Variants in FAT1 observed in about 807,000 individuals in gnomAD.
FAT1 encodes the protein protocadherin Fat 1.
Under a neutral mutation model 329.8 loss-of-function variants are expected in FAT1, and 171 were observed. That is an observed-to-expected ratio of 0.52 (90% confidence interval 0.46 to 0.59). The LOEUF (loss-of-function observed/expected upper bound fraction) is 0.59, where lower values mean the gene tolerates loss of function less well. Among genes scored for constraint, FAT1 ranks in the 20% least tolerant of loss-of-function variants. FAT1 has a pLI of 0.00. For synonymous variants in FAT1, 2,233 were observed against 2,228.6 expected (o/e 1.00, Z -0.06); for missense variants, 5,672 against 5,774.4 (o/e 0.98, Z 0.57).
intron 3 of FAT1, among the ~76,000 whole-genome samples, chr4:186,644,138 C>T (rs1048977344): frequency 6.6e-6 from 1 of 152,030 alleles, no homozygotes; most frequent in Admixed American, 6.6e-5. Context: ...CTCAGATGAG[C>T]GTTTTTTTCT....
In FAT1 at chr4:186,589,573, C is replaced by A. The variant is rs148991148; in HGVS notation, c.13139-353G>T. 2.6e-3 allele frequency among the ~76,000 whole-genome samples: 400 copies of A among 152,268 alleles called. 5 individuals carry two copies. The highest frequency in any genetic ancestry group is 9.4e-3 in the African/African-American group (392 of 41,540). On this transcript the variant is annotated intron_variant, in intron 26 of 26. Transcript: ENST00000441802. ...TCCTTCTGGCTTTTCTTCTGTAGAA[C>A]CCACTGCTCTGTAGGAAGAAGAGTA...
At chr4:186,680,954 G>A (rs1400975152) in intron 2 of FAT1, among the ~76,000 whole-genome samples, 4 of 152,190 alleles carry the variant, frequency 2.6e-5, no homozygotes, top group African/African-American at 7.2e-5. Flanking sequence ...CAGAGTTAAT[G>A]ATCTGCCAAC....
intron 7 of FAT1, among the ~76,000 whole-genome samples, chr4:186,631,528 A>C (rs1280850548): frequency 8.9e-3 from 610 of 68,540 alleles, no homozygotes; most frequent in African/African-American, 0.013. Context: ...CTCTTCAATC[A>C]ATCCCCGCGG....
Position 186,603,242 on chromosome 4 carries a change from G to A in FAT1, c.11284C>T (p.His3762Tyr), listed in dbSNP as rs1738908184. 1 of 1,613,698 alleles carries A rather than the reference G, an allele frequency of 6.2e-7. No homozygotes were observed. Among genetic ancestry groups the A allele is most frequent in the Admixed American group, 1.7e-5 (1 of 59,972 alleles). The change falls in exon 19 of 27, where the codon CAC becomes TAC. Residue 3762 changes from histidine to tyrosine, a missense_variant. Physicochemically the swap from His to Tyr is moderately conservative, Grantham distance 83. This residue lies in a region of FAT1 where 1,706 missense variants were observed against 1,859.1 expected (regional missense o/e 0.92). Coordinates refer to ENST00000441802, the MANE Select transcript of FAT1 (RefSeq NM_005245.4). ...VSVDESVMST[H>Y]STARLSFVTP... ...ACAAAACTCAGTCTGGCTGTGCTGTGTGTTGACATCACACTTTCATCCACA... is the reference window on the plus strand; with the variant it reads ...ACAAAACTCAGTCTGGCTGTGCTGTATGTTGACATCACACTTTCATCCACA...
At position 186,620,107 on chromosome 4, in the gene FAT1, C is replaced by T; in HGVS notation, c.6479G>A (p.Gly2160Glu). ...YLVTVVAKDG[G>E]NPAFSAEVIV... ...AACTTCCGCTGAAAAGGCCGGGTTC[C>T]CTCCATCTTTTGCAACCACTGTAAC... The change falls in exon 10 of 27, where the codon GGG becomes GAG. Residue 2160 changes from glycine to glutamate, a missense_variant. Physicochemically the swap from Gly to Glu is moderately conservative, Grantham distance 98. Around this residue, in one of 2 missense-constraint regions of FAT1, gnomAD observed 3,966 missense variants for 3,915.2 expected, o/e 1.01. Coordinates refer to ENST00000441802, the MANE Select transcript of FAT1 (RefSeq NM_005245.4). 6.2e-7 allele frequency: 1 copy of T among 1,613,964 alleles called. No individual in the cohort carries two copies. Among genetic ancestry groups the T allele is most frequent in the Non-Finnish European group, 8.5e-7 (1 of 1,179,876 alleles).
In FAT1 at chr4:186,619,043, T is replaced by G. The variant is rs371035634; in HGVS notation, c.7543A>C (p.Lys2515Gln). 1.4e-4 allele frequency: 225 copies of G among 1,613,930 alleles called. No homozygotes were observed. The highest frequency in any genetic ancestry group is 1.8e-4 in the Non-Finnish European group (210 of 1,179,898). ...APLHTLVMEV[K>Q]TTDGDSGIYG... The stretch of plus-strand genomic sequence containing the variant: ...ATACCAGAATCCCCATCCGTAGTTT[T>G]CACCTCCATCACCAGGGTATGTAGG... Residue 2515 changes from lysine (K) to glutamine (Q), a missense_variant, in exon 10 of 27, where the codon AAA becomes CAA. Transcript: ENST00000441802.
rs1167013345 is a variant in FAT1, at chr4:186,675,819, ACACAC to A, written c.3266-12211_3266-12207del. Among the ~76,000 whole-genome samples, 7 of 144,112 alleles carry A rather than the reference ACACAC, an allele frequency of 4.9e-5. No homozygotes were observed. In the East Asian group the frequency reaches 8.1e-4, roughly 17 times the overall value. 94.5% of individuals were successfully genotyped at this position (144,112 alleles called of 152,430 possible). A position where few individuals can be genotyped will look rare whatever the true frequency, so the allele number is the denominator to read the frequency against. ...CACACACACACACACACACACACAC[ACACAC>A]AATTAATTTTTAAAAGCTGTACCTT... On this transcript the variant is annotated intron_variant, in intron 2 of 26. Transcript: ENST00000441802.
chr4:186,716,228 T>A (rs1161334930), intron 1 of FAT1, among the ~76,000 whole-genome samples: 1 of 152,198 alleles, frequency 6.6e-6, no homozygotes, highest in African/African-American at 2.4e-5. Context: ...ATTAAACTTT[T>A]CATTTCACAT....
At position 186,620,303 on chromosome 4, in the gene FAT1, CA is replaced by C; in HGVS notation, c.6282del (p.Glu2095ArgfsTer12). Reference protein sequence around the residue: ...LPYYAVVKVDTEVGHVIRYVT... With the variant: ...LPYYAVVKVDXEVGHVIRYVT... Reference sequence around the variant, plus strand: ...ACATAGCGAATGACATGGCCCACCTCAGTGTCCACTTTAACAACGGCGTAGT... The same window carrying C: ...ACATAGCGAATGACATGGCCCACCTCGTGTCCACTTTAACAACGGCGTAGT... On this transcript the variant is annotated frameshift_variant, in exon 10 of 27. Transcript: ENST00000441802. LOFTEE classifies it high-confidence loss of function. 1 of 1,614,032 alleles carries C rather than the reference CA, an allele frequency of 6.2e-7. No homozygotes were observed. Among genetic ancestry groups the C allele is most frequent in the Non-Finnish European group, 8.5e-7 (1 of 1,179,900 alleles).
Position 186,708,870 on chromosome 4 carries a change from T to TGGCTTTGACTTTATACTC in FAT1, c.940_957dup (p.Glu314_Ala319dup). ...TGACTGTCCCAATCAATGCCACCGA[T>TGGCTTTGACTTTATACTC]GGCTTTGACTTTATACTCCTTACTC... On this transcript the variant is annotated inframe_insertion, in exon 2 of 27. Transcript: ENST00000441802. The TGGCTTTGACTTTATACTC allele has an allele frequency of 6.2e-7, 1 of 1,613,986 alleles. No homozygotes were observed. The highest frequency in any genetic ancestry group is 1.1e-5 in the South Asian group (1 of 91,074).
intron 14 of FAT1, among the ~76,000 whole-genome samples, chr4:186,610,517 A>T (rs1739354468): frequency 6.7e-6 from 1 of 149,622 alleles, no homozygotes; most frequent in South Asian, 2.1e-4. Context: ...CTTTTTAAAC[A>T]ATTCCTTTTA....
chr4:186,672,621 G>C (rs1742780485), intron 2 of FAT1, among the ~76,000 whole-genome samples: 1 of 152,116 alleles, frequency 6.6e-6, no homozygotes, highest in Non-Finnish European at 1.5e-5. Context: ...TTATACATCA[G>C]CTCATTTACT....
chr4:186,605,696 A>G (rs1465979133), intron 17 of FAT1, among the ~76,000 whole-genome samples: 2 of 149,004 alleles, frequency 1.3e-5, no homozygotes, highest in African/African-American at 2.5e-5. Context: ...AGTGGGGTGA[A>G]GAAAGTGGAG....
chr4:186,635,964 C>A, intron 6 of FAT1, 61 bp downstream of exon 6: 1 of 1,433,414 alleles, frequency 7.0e-7, no homozygotes. Context: ...CTCATCAAAC[C>A]GTATGCAGGT....
intron 2 of FAT1, among the ~76,000 whole-genome samples, chr4:186,665,154 CTTCA>C (rs1282362955): frequency 1.3e-5 from 2 of 152,136 alleles, no homozygotes; most frequent in Admixed American, 6.5e-5. Flanking sequence ...TTTGTTATTG[CTTCA>C]TTATTTCATA....
At chr4:186,604,123 G>A (rs1203640938) in intron 18 of FAT1, 146 bp from the exon 19 acceptor site, 2 of 724,464 alleles carry the variant, frequency 2.8e-6, no homozygotes, top group Non-Finnish European at 2.2e-6. Context: ...TCAAAGAAAA[G>A]GACAAATTTC....
chr4:186,690,853 G>GA (rs1305106988), intron 2 of FAT1, among the ~76,000 whole-genome samples: 1 of 152,092 alleles, frequency 6.6e-6, no homozygotes, highest in Non-Finnish European at 1.5e-5. Context: ...GACTTCATAG[G>GA]AAAAAATGAA....
chr4:186,706,546 A>T lies in FAT1; in HGVS notation c.3265+17T>A. On this transcript the variant is annotated intron_variant, in intron 2 of 26. Transcript: ENST00000441802. ...ATGGAAAAGGGCATCAAATGAGAGCAATAAAAACATATTTACCTGTCTCTT... is the reference window on the plus strand; with the variant it reads ...ATGGAAAAGGGCATCAAATGAGAGCTATAAAAACATATTTACCTGTCTCTT... The T allele has an allele frequency of 6.4e-7, 1 of 1,564,386 alleles. No homozygotes were observed. Among genetic ancestry groups the T allele is most frequent in the Non-Finnish European group, 8.6e-7 (1 of 1,157,286 alleles).
chr4:186,644,111 A>T (rs1741239591), intron 3 of FAT1, among the ~76,000 whole-genome samples: 1 of 152,186 alleles, frequency 6.6e-6, no homozygotes, highest in Admixed American at 6.5e-5. Context: ...CAGGAGTAGG[A>T]TTTCGTTCTC....
Sources: gnomAD v4.1 joint callset for allele counts (sites outside exome capture counted in the v4.1 genomes callset) on GRCh38, gnomAD v4.1.1 for gene constraint, gnomAD v4.1.1 regional missense constraint, MANE v1.5 for transcripts, NCBI Gene and HGNC (gene_info 2026-07-23, HGNC 2026-07-21) for gene names.